Variants in DGKB observed in about 807,000 individuals in gnomAD.
DGKB encodes the protein diacylglycerol kinase beta.
DGKB carries 67 observed loss-of-function variants against 114.3 expected under a neutral mutation model. The ratio of observed to expected loss-of-function variants is 0.59; its 90% CI spans 0.48 to 0.72. The LOEUF is 0.72. DGKB is among the 30% of genes least tolerant of loss of function. The probability of loss-of-function intolerance (pLI) is 0.00; values close to 1 mark genes in which losing one functional copy is unlikely to be tolerated. For missense variants in DGKB, 907 were observed against 975.2 expected (o/e 0.93, Z 0.93); for synonymous variants, 398 against 323.1 (o/e 1.23, Z -2.49).
intron 21 of DGKB, among the ~76,000 whole-genome samples, chr7:14,379,809 CG>C (rs1819116312): frequency 1.3e-5 from 2 of 151,960 alleles, no homozygotes; most frequent in Non-Finnish European, 2.9e-5. Flanking sequence ...CTGCCCGCCT[CG>C]GCCTCCCAAA....
chr7:14,241,697 T>C (rs1205035052), intron 23 of DGKB, among the ~76,000 whole-genome samples: 1 of 151,968 alleles, frequency 6.6e-6, no homozygotes, highest in Non-Finnish European at 1.5e-5. Context: ...AGGGAGTTTA[T>C]AAATACATCA....
chr7:14,220,093 A>G (rs1415021214), intron 23 of DGKB, among the ~76,000 whole-genome samples: 1 of 151,630 alleles, frequency 6.6e-6, no homozygotes, highest in African/African-American at 2.4e-5. Context: ...GGGATAGTCT[A>G]TTGCTCCCCG....
At chr7:14,534,910 G>T (rs958149127) in intron 20 of DGKB, among the ~76,000 whole-genome samples, 14 of 152,142 alleles carry the variant, frequency 9.2e-5, no homozygotes, top group African/African-American at 3.4e-4. Context: ...AATCACAAAT[G>T]CATGTGAATA....
intron 23 of DGKB, among the ~76,000 whole-genome samples, chr7:14,216,366 G>C (rs1788959251): frequency 6.6e-6 from 1 of 152,040 alleles, no homozygotes; most frequent in African/African-American, 2.4e-5. Context: ...TATATGTCAT[G>C]AGTAATAAAT....
chr7:14,330,309 T>G (rs375894877), intron 23 of DGKB, among the ~76,000 whole-genome samples: 30 of 151,974 alleles, frequency 2.0e-4, no homozygotes, highest in East Asian at 9.6e-4. Context: ...AACTCATTTT[T>G]CTTGTTTCCC....
chr7:14,787,654 C>T (rs191201219), intron 2 of DGKB, among the ~76,000 whole-genome samples: 1 of 152,284 alleles, frequency 6.6e-6, no homozygotes, highest in Admixed American at 6.5e-5. Flanking sequence ...CTAAGAGTCA[C>T]CAGCTCTTCT....
chr7:14,692,804 T>C (rs891489399), intron 9 of DGKB, among the ~76,000 whole-genome samples: 12 of 151,922 alleles, frequency 7.9e-5, no homozygotes, highest in Non-Finnish European at 1.3e-4. Context: ...ATGGGCCTCA[T>C]GAAAGGTAAG....
chr7:14,613,441 AATT>A (rs1241781617), intron 15 of DGKB, 28 bp from the exon 16 acceptor site: 2 of 1,236,902 alleles, frequency 1.6e-6, no homozygotes, highest in Admixed American at 4.4e-5. Flanking sequence ...TACATGGAAA[AATT>A]ATTAGGCCCA....
In DGKB at chr7:14,486,686, A is replaced by C. The variant is rs140076968; in HGVS notation, c.1771-8461T>G. On this transcript the variant is annotated intron_variant, in intron 20 of 25. Coordinates refer to ENST00000402815, the MANE Select transcript of DGKB (RefSeq NM_001350709.2). ...CAGCAGAACGAACAAGGGCAGAGAG[A>C]ATATCTAGAGAGGCAAACAGAAGCA... 5.8e-3 allele frequency among the ~76,000 whole-genome samples: 886 copies of C among 152,284 alleles called. 7 individuals are homozygous for C. The highest frequency in any genetic ancestry group is 0.02 in the African/African-American group (826 of 41,562).
At chr7:14,444,058 A>T (rs569545564) in intron 21 of DGKB, among the ~76,000 whole-genome samples, 1 of 151,682 alleles carries the variant, frequency 6.6e-6, no homozygotes, top group Non-Finnish European at 1.5e-5. Context: ...GATTTTTTCT[A>T]ATTTAAATAT....
intron 23 of DGKB, among the ~76,000 whole-genome samples, chr7:14,295,975 T>G (rs1802478643): frequency 6.6e-6 from 1 of 151,886 alleles, no homozygotes; most frequent in Admixed American, 6.6e-5. Context: ...TCTATTCCTG[T>G]GTTAGTTTAC....
chr7:14,450,505 A>T (rs62443283), intron 21 of DGKB, among the ~76,000 whole-genome samples: 26,569 of 152,006 alleles, frequency 0.17, 3,047 homozygotes, highest in East Asian at 0.32. Context: ...TGAGTGGAGG[A>T]GGTGGGTGGC....
chr7:14,578,203 C>T (rs1799442666), intron 19 of DGKB, among the ~76,000 whole-genome samples: 1 of 152,136 alleles, frequency 6.6e-6, no homozygotes, highest in South Asian at 2.1e-4. Flanking sequence ...CCTTCACCTT[C>T]ACGATTGTAA....
intron 23 of DGKB, among the ~76,000 whole-genome samples, chr7:14,242,146 T>C (rs1487414280): frequency 6.6e-6 from 1 of 152,194 alleles, no homozygotes; most frequent in Non-Finnish European, 1.5e-5. Flanking sequence ...ATTCTTTCAG[T>C]CCCTGACCTG....
chr7:14,811,459 T>C (rs182263744), intron 2 of DGKB, among the ~76,000 whole-genome samples: 168 of 152,292 alleles, frequency 1.1e-3, no homozygotes, highest in Non-Finnish European at 2.0e-3. Context: ...GATTACATGC[T>C]TTTAAACATT....
chr7:14,459,688 G>A (rs1832790049), intron 21 of DGKB, among the ~76,000 whole-genome samples: 1 of 152,160 alleles, frequency 6.6e-6, no homozygotes, highest in Admixed American at 6.5e-5. Context: ...ATATTATCCA[G>A]AAGAACTTCA....
chr7:14,682,788 T>C lies in DGKB; in HGVS notation c.883A>G (p.Ile295Val), dbSNP rs1370378405. ...CTTTTGGACTTCACATAGGTCTTGA[T>C]GCAAGAGGGAGGTGCTCGAGCCACA... ...RCVARAPPSCIKTYVKSKRNT... is the reference protein window; with the variant it reads ...RCVARAPPSCVKTYVKSKRNT... Residue 295 changes from isoleucine (I) to valine (V), a missense_variant, in exon 11 of 26, where the codon ATC becomes GTC. Ile to Val is a conservative substitution (Grantham distance 29). This residue lies in a region of DGKB where 814 missense variants were observed against 856.6 expected (regional missense o/e 0.95). Coordinates refer to ENST00000402815, the MANE Select transcript of DGKB (RefSeq NM_001350709.2). 4 of 1,609,476 alleles carry C rather than the reference T, an allele frequency of 2.5e-6. No homozygotes were observed. Among genetic ancestry groups the C allele is most frequent in the Non-Finnish European group, 3.4e-6 (4 of 1,177,604 alleles).
intron 23 of DGKB, among the ~76,000 whole-genome samples, chr7:14,186,060 C>T (rs967900294): frequency 6.6e-6 from 1 of 152,182 alleles, no homozygotes; most frequent in Non-Finnish European, 1.5e-5. Context: ...GCAAAAGGAA[C>T]AGTCAGCAGA....
At chr7:14,173,024 C>G (rs533095429) in intron 25 of DGKB, among the ~76,000 whole-genome samples, 85 of 152,258 alleles carry the variant, frequency 5.6e-4, no homozygotes, top group African/African-American at 2.0e-3. Context: ...AATATATACT[C>G]TCTTCTAGAA....
Sources: allele counts gnomAD v4.1 joint callset (sites outside exome capture counted in the v4.1 genomes callset), GRCh38; gene constraint gnomAD v4.1.1; regional missense constraint gnomAD v4.1.1; transcripts MANE v1.5; gene names NCBI Gene and HGNC (gene_info 2026-07-23, HGNC 2026-07-21).